KIFC3: variants seen among roughly 807,000 people sequenced by gnomAD.
KIFC3 encodes kinesin-like protein KIFC3.
Under a neutral mutation model 101.8 loss-of-function variants are expected in KIFC3, and 60 were observed. That is an observed-to-expected ratio of 0.59 (90% CI 0.48 to 0.73). The LOEUF is 0.73. Ranked by LOEUF, KIFC3 falls within the 30% of genes least tolerant of loss-of-function variation. The pLI is 0.00. For missense variants in KIFC3, 966 were observed against 1,137.1 expected (o/e 0.85, Z 2.16); for synonymous variants, 476 against 482.7 (o/e 0.99, Z 0.18).
chr16:57,759,362 C>G (rs1368025750), intron 18 of KIFC3: 2 of 628,332 alleles, frequency 3.2e-6, no homozygotes, highest in Non-Finnish European at 5.5e-6. Context: ...TTTCTACCCC[C>G]GGGGCAGCTG....
intron 1 of KIFC3, among the ~76,000 whole-genome samples, chr16:57,854,629 G>GAA (rs59106449): frequency 7.6e-5 from 10 of 131,230 alleles, no homozygotes; most frequent in East Asian, 2.2e-4. Context: ...CTCCGTCTCA[G>GAA]AAAAAAAAAA....
intron 1 of KIFC3, among the ~76,000 whole-genome samples, chr16:57,811,706 A>G (rs2055078439): frequency 6.6e-6 from 1 of 152,112 alleles, no homozygotes; most frequent in African/African-American, 2.4e-5. Context: ...ATTTGAGGTC[A>G]GGAGTTCGAG....
intron 18 of KIFC3, 149 bp downstream of exon 18, chr16:57,759,578 TG>T: frequency 1.6e-6 from 1 of 620,402 alleles, no homozygotes; most frequent in Non-Finnish European, 2.8e-6. Context: ...GACTACTGCC[TG>T]GGGGCAGGGG....
chr16:57,787,620 G>A (rs12324947), intron 3 of KIFC3, among the ~76,000 whole-genome samples: 2 of 152,168 alleles, frequency 1.3e-5, no homozygotes, highest in African/African-American at 2.4e-5. Flanking sequence ...CGATGCAGGC[G>A]TGGCCTGGAC....
Position 57,766,919 on chromosome 16 carries a change from G to T in KIFC3, c.1285C>A (p.Leu429Met), listed in dbSNP as rs1555603446. The T allele has an allele frequency of 1.2e-6, 2 of 1,612,584 alleles. No individual in the cohort carries two copies. Residue 429 changes from leucine (L) to methionine (M), a missense_variant, in exon 10 of 20, where the codon CTG (leucine) becomes ATG (methionine). This residue lies in a region of KIFC3 where 689 missense variants were observed against 884.6 expected (regional missense o/e 0.78). Coordinates refer to ENST00000445690, the MANE Select transcript of KIFC3 (RefSeq NM_001130100.2). ...TTGTGGCACTTCTTACGCAGCTGCA[G>T]CTCGCGGCGGTACTTGCGCAGCAGC... Reference protein sequence around the residue: ...QELLRKYRRELQLRKKCHNEL... With the variant: ...QELLRKYRREMQLRKKCHNEL...
intron 1 of KIFC3, among the ~76,000 whole-genome samples, chr16:57,862,072 G>C (rs1210950058): frequency 2.0e-5 from 3 of 152,048 alleles, no homozygotes; most frequent in African/African-American, 7.2e-5. Context: ...TTCTGGAAGC[G>C]AATTCTGGCA....
chr16:57,776,542 T>C (rs1479604605), intron 3 of KIFC3: 13 of 365,022 alleles, frequency 3.6e-5, no homozygotes, highest in Admixed American at 1.9e-4. Flanking sequence ...AGTTTCCTTA[T>C]TTGTATAATG....
rs376363329 is a variant in KIFC3, at chr16:57,760,741, G to A, written c.2217C>T (p.Thr739=). ...LQDSLSGDSK[T]LMVVQVSPVE... ...AGGTCCTCACCTGTACCACCATGAG[G>A]GTCTTGCTGTCACCACTAAGCGAAT... Residue 739 remains threonine (T), a synonymous_variant, in exon 16 of 20, where the codon ACC becomes ACT. Transcript: ENST00000445690. 79 of 1,613,712 alleles carry A rather than the reference G, an allele frequency of 4.9e-5. No individual in the cohort carries two copies. The African/African-American group carries it at 9.6e-4, about 20-fold the overall frequency.
chr16:57,797,359 C>T (rs374936615), intron 2 of KIFC3, among the ~76,000 whole-genome samples: 1 of 152,220 alleles, frequency 6.6e-6, no homozygotes, highest in South Asian at 2.1e-4. Flanking sequence ...GCCCACGCCT[C>T]GGGAGAGGGT....
At chr16:57,860,549 T>C (rs1349626597) in intron 1 of KIFC3, among the ~76,000 whole-genome samples, 1 of 152,150 alleles carries the variant, frequency 6.6e-6, no homozygotes, top group Non-Finnish European at 1.5e-5. Flanking sequence ...AGAAAATGGG[T>C]CTTGTCCCAG....
intron 3 of KIFC3, chr16:57,785,671 G>A (rs782346970): frequency 3.9e-5 from 48 of 1,230,634 alleles, no homozygotes; most frequent in South Asian, 2.6e-4. Flanking sequence ...GCCCACCTAC[G>A]AGCAAAGTAG....
At position 57,845,235 on chromosome 16, in the gene KIFC3, C is replaced by T. The variant is rs553123372; in HGVS notation, c.108+17494G>A. On this transcript the variant is annotated intron_variant, in intron 1 of 2. Transcript: ENST00000563028. ...GCAGCCTTCATGTTACAACTCCTGC[C>T]GGCTCTACCTTCAAATATTATCCAG... is the stretch of plus-strand genomic sequence containing the variant. Among the ~76,000 whole-genome samples the T allele has an allele frequency of 2.8e-3, 419 of 152,248 alleles. 1 individual carries two copies. The highest frequency in any genetic ancestry group is 5.6e-3 in the African/African-American group (233 of 41,540).
chr16:57,858,865 G>A (rs561633550), intron 1 of KIFC3, among the ~76,000 whole-genome samples: 178 of 152,216 alleles, frequency 1.2e-3, no homozygotes, highest in Non-Finnish European at 2.4e-3. Context: ...CACGAGAATA[G>A]CTTGAACTGG....
At chr16:57,791,827 T>C (rs1555620461) in intron 3 of KIFC3, among the ~76,000 whole-genome samples, 1 of 152,264 alleles carries the variant, frequency 6.6e-6, no homozygotes, top group Non-Finnish European at 1.5e-5. Flanking sequence ...CTCAGGTTTC[T>C]TTAACTGTTC....
chr16:57,788,577 G>T, intron 3 of KIFC3: 1 of 1,288,452 alleles, frequency 7.8e-7, no homozygotes. Context: ...TGCTTTACCT[G>T]TATTCTCTAC....
intron 1 of KIFC3, among the ~76,000 whole-genome samples, chr16:57,819,838 C>T (rs797037084): frequency 2.6e-5 from 4 of 151,872 alleles, no homozygotes; most frequent in East Asian, 1.9e-4. Flanking sequence ...GGATTACAGG[C>T]GTGAGCCACC....
chr16:57,782,026 G>C, intron 3 of KIFC3: 4 of 985,474 alleles, frequency 4.1e-6, no homozygotes, highest in Non-Finnish European at 4.8e-6. Context: ...ACAAGGCAGA[G>C]TGTACCCCCT....
At position 57,793,525 on chromosome 16, in the gene KIFC3, G is replaced by A. The variant is rs533469661; in HGVS notation, c.315+1474C>T. Among the ~76,000 whole-genome samples the A allele has an allele frequency of 2.6e-5, 4 of 151,836 alleles. No homozygotes were observed. The East Asian group carries it at 5.8e-4, about 22-fold the overall frequency. On this transcript the variant is annotated intron_variant, in intron 3 of 19. Coordinates refer to ENST00000445690, the MANE Select transcript of KIFC3 (RefSeq NM_001130100.2). ...GGAGAATCACTGGAATCCGGGAGGC[G>A]GAGGCTGCAGTGAGCTGAGATCATG...
At chr16:57,807,679 T>C (rs2054967010), upstream of KIFC3, 1 of 152,114 alleles carries the variant, frequency 6.6e-6, no homozygotes, top group South Asian at 2.1e-4. Flanking sequence ...AAAATCACCT[T>C]GCCGGCCAGG....
Sources: allele counts gnomAD v4.1 joint callset (sites outside exome capture counted in the v4.1 genomes callset), GRCh38; gene constraint gnomAD v4.1.1; regional missense constraint gnomAD v4.1.1; transcripts MANE v1.5; gene names NCBI Gene and HGNC (gene_info 2026-07-23, HGNC 2026-07-21).